CRISPLD2: variants seen among roughly 807,000 people sequenced by gnomAD.
The protein encoded by CRISPLD2 is cysteine-rich secretory protein LCCL domain-containing 2.
CRISPLD2 carries 47 observed loss-of-function variants against 71.1 expected under a neutral mutation model. That is an observed-to-expected ratio of 0.66 (90% confidence interval 0.52 to 0.84). The LOEUF (loss-of-function observed/expected upper bound fraction) is 0.84, where lower values mean the gene tolerates loss of function less well. CRISPLD2 is among the 40% of genes least tolerant of loss of function. The pLI, the probability that CRISPLD2 is intolerant of heterozygous loss-of-function variation, is 0.00. For missense variants in CRISPLD2, 830 were observed against 651.1 expected, an observed-to-expected ratio of 1.27 and a Z score of -2.99; for synonymous variants, 317 against 250.1, an observed-to-expected ratio of 1.27 and a Z score of -2.52.
At chr16:84,821,671 C>T (rs143932766) in intron 1 of CRISPLD2, among the ~76,000 whole-genome samples, 4 of 152,316 alleles carry the variant, frequency 2.6e-5, no homozygotes, top group African/African-American at 7.2e-5. Context: ...ACAGGGGCTC[C>T]AGTTAAAACC....
intron 14 of CRISPLD2, among the ~76,000 whole-genome samples, chr16:84,896,133 G>T (rs1268837279): frequency 6.6e-6 from 1 of 151,774 alleles, no homozygotes; most frequent in Non-Finnish European, 1.5e-5. Flanking sequence ...CTGCCTCCTG[G>T]GTTCAGTGAT....
chr16:84,844,830 C>A (rs566341568), intron 2 of CRISPLD2, among the ~76,000 whole-genome samples: 1 of 152,264 alleles, frequency 6.6e-6, no homozygotes, highest in African/African-American at 2.4e-5. Flanking sequence ...GATAAAGCCT[C>A]CCTGACTGCA....
At chr16:84,874,333 A>G (rs1567697439) in intron 11 of CRISPLD2, among the ~76,000 whole-genome samples, 2 of 152,250 alleles carry the variant, frequency 1.3e-5, no homozygotes, top group Non-Finnish European at 2.9e-5. Context: ...ATCTGGGCTT[A>G]GTGGAAAACA....
intron 1 of CRISPLD2, among the ~76,000 whole-genome samples, chr16:84,829,573 G>A (rs753979997): frequency 5.3e-5 from 8 of 152,294 alleles, no homozygotes; most frequent in Non-Finnish European, 1.0e-4. Flanking sequence ...CGACCCCCAG[G>A]CTTCTGGGGT....
At chr16:84,866,633 G>A (rs1425411705) in intron 6 of CRISPLD2, among the ~76,000 whole-genome samples, 3 of 152,106 alleles carry the variant, frequency 2.0e-5, no homozygotes, top group African/African-American at 7.2e-5. Context: ...GTGGGCGTGG[G>A]GCCTGCTAAC....
intron 14 of CRISPLD2, among the ~76,000 whole-genome samples, chr16:84,893,628 G>T (rs1435039410): frequency 6.6e-6 from 1 of 152,180 alleles, no homozygotes; most frequent in Non-Finnish European, 1.5e-5. Flanking sequence ...GGGCCCAGGG[G>T]GTCACTGTTG....
chr16:84,894,557 T>C (rs1459697665), intron 14 of CRISPLD2, among the ~76,000 whole-genome samples: 1 of 152,060 alleles, frequency 6.6e-6, no homozygotes, highest in African/African-American at 2.4e-5. Flanking sequence ...CATAGGGGTG[T>C]GGTCTGCTGT....
chr16:84,880,074 G>A (rs558363866), intron 12 of CRISPLD2, among the ~76,000 whole-genome samples: 8 of 152,180 alleles, frequency 5.3e-5, no homozygotes, highest in African/African-American at 1.7e-4. Flanking sequence ...GTGACTCAGC[G>A]AGGTGAGGGC....
Position 84,854,801 on chromosome 16 carries a change from C to T in CRISPLD2, c.681C>T (p.Gly227=), listed in dbSNP as rs111454381. 5.5e-4 allele frequency: 891 copies of T among 1,614,058 alleles called. 5 individuals carry two copies. The African/African-American group carries it at 0.011, about 20-fold the overall frequency. The change falls in exon 6 of 15, where the codon GGC becomes GGT. Residue 227 remains glycine (G), a synonymous_variant. Transcript: ENST00000262424. ...PCSECPPSYG[G]SCRNNLCYRE... ...CTGAGTGCCCACCCAGCTATGGAGG[C>T]AGCTGCAGGAACAACTTGTGTTACC...
intron 5 of CRISPLD2, among the ~76,000 whole-genome samples, chr16:84,852,224 T>C (rs1366092704): frequency 1.3e-5 from 2 of 152,232 alleles, no homozygotes. Flanking sequence ...TACAGTCACA[T>C]TGTGGGTGAG....
chr16:84,874,017 C>A, intron 11 of CRISPLD2, 54 bp downstream of exon 11: 1 of 1,486,276 alleles, frequency 6.7e-7, no homozygotes, highest in Non-Finnish European at 9.2e-7. Context: ...CTCAGATTTT[C>A]CTGGAAATTT....
At chr16:84,890,820 A>G (rs2071655319) in intron 14 of CRISPLD2, among the ~76,000 whole-genome samples, 1 of 152,156 alleles carries the variant, frequency 6.6e-6, no homozygotes, top group African/African-American at 2.4e-5. Context: ...AAGACCAAAC[A>G]AAGTCCCTAG....
At position 84,908,009 on chromosome 16, in the gene CRISPLD2, C is replaced by A. The variant is rs1227184927; in HGVS notation, c.*1367C>A. ...TCTACCACCGGGCCAGCCAATAGAT[C>A]ACTTTGGTGAATGCTAGTTTCAAAT... On this transcript the variant is annotated 3_prime_UTR_variant, in exon 15 of 15. Coordinates refer to ENST00000262424, the MANE Select transcript of CRISPLD2 (RefSeq NM_031476.4). 6.6e-6 allele frequency: 1 copy of A among 152,164 alleles called. No homozygotes were observed. The highest frequency in any genetic ancestry group is 1.5e-5 in the Non-Finnish European group (1 of 68,034). The allele number at this position is 152,164 out of a possible 1,614,324, so 9.4% of individuals were successfully genotyped here.
chr16:84,843,384 C>T (rs78092406), intron 2 of CRISPLD2, among the ~76,000 whole-genome samples: 2,613 of 152,324 alleles, frequency 0.017, 25 homozygotes, highest in South Asian at 0.068. Context: ...CTTCAAGCCA[C>T]AGTCCTTTGA....
chr16:84,867,216 T>C (rs2143271495), intron 7 of CRISPLD2, among the ~76,000 whole-genome samples, 176 bp downstream of exon 7: 1 of 152,306 alleles, frequency 6.6e-6, no homozygotes, highest in East Asian at 1.9e-4. Context: ...AAACGATATT[T>C]TTAAGTCATT....
At chr16:84,834,978 G>T (rs185788552) in intron 1 of CRISPLD2, among the ~76,000 whole-genome samples, 245 of 152,280 alleles carry the variant, frequency 1.6e-3, no homozygotes, top group African/African-American at 5.7e-3. Context: ...CAGTGTGTGA[G>T]TTTGGGGAAA....
At chr16:84,875,326 A>C (rs970559604) in intron 11 of CRISPLD2, among the ~76,000 whole-genome samples, 1 of 151,242 alleles carries the variant, frequency 6.6e-6, no homozygotes, top group African/African-American at 2.4e-5. Context: ...TCCAACCCAC[A>C]GCCCATGGGC....
intron 10 of CRISPLD2, chr16:84,873,503 C>CAAAAAAAAAAAAAAAAAAAAAAAA (rs1333411767): frequency 3.4e-5 from 3 of 88,674 alleles, no homozygotes; most frequent in African/African-American, 6.8e-5. Context: ...AAAACAACAA[C>CAAAAAAAAAAAAAAAAAAAAAAAA]AACAAAAAAA....
At position 84,868,160 on chromosome 16, in the gene CRISPLD2, T is replaced by C. The variant is rs187366750; in HGVS notation, c.854-691T>C. On this transcript the variant is annotated intron_variant, in intron 7 of 14. Coordinates refer to ENST00000262424, the MANE Select transcript of CRISPLD2 (RefSeq NM_031476.4). ...CCATCTCCCCTGCCCCCACCAGTCT[T>C]TCTGTCCTCTTCAAACCTCTTTCCC... is the stretch of plus-strand genomic sequence containing the variant. Among the ~76,000 whole-genome samples the C allele has an allele frequency of 4.7e-3, 712 of 152,284 alleles. 6 individuals are homozygous for C. The highest frequency in any genetic ancestry group is 4.9e-3 in the Non-Finnish European group (335 of 68,006).
Sources: gnomAD v4.1 joint callset for allele counts (sites outside exome capture counted in the v4.1 genomes callset) on GRCh38, gnomAD v4.1.1 for gene constraint, MANE v1.5 for transcripts, NCBI Gene and HGNC (gene_info 2026-07-23, HGNC 2026-07-21) for gene names.